DLC1: variants seen among roughly 807,000 people sequenced by gnomAD.
DLC1 encodes DLC1 Rho GTPase activating protein, also known as rho GTPase-activating protein 7.
Under a neutral mutation model 140.3 loss-of-function variants are expected in DLC1, and 54 were observed. The observed-to-expected ratio is 0.38, with a 90% CI of 0.31 to 0.48. The LOEUF (loss-of-function observed/expected upper bound fraction) is 0.48, where lower values mean the gene tolerates loss of function less well. DLC1 is among the 20% of genes least tolerant of loss of function. The pLI, the probability that DLC1 is intolerant of heterozygous loss-of-function variation, is 0.96. For synonymous variants in DLC1, 986 were observed against 728.1 expected, an observed-to-expected ratio of 1.35 and a Z score of -5.70; for missense variants, 2,536 against 1,907.0, an observed-to-expected ratio of 1.33 and a Z score of -6.14.
At chr8:13,422,211 C>T (rs1838347957) in intron 2 of DLC1, among the ~76,000 whole-genome samples, 1 of 152,010 alleles carries the variant, frequency 6.6e-6, no homozygotes, top group South Asian at 2.1e-4. Context: ...GAGGTTTAAA[C>T]TAATACCTCA....
chr8:13,468,170 A>G (rs544506281), intron 2 of DLC1, among the ~76,000 whole-genome samples: 2 of 152,320 alleles, frequency 1.3e-5, no homozygotes, highest in South Asian at 4.1e-4. Flanking sequence ...ATTTTCCTCA[A>G]TTCCATTTAG....
At chr8:13,458,828 T>C (rs1004634823) in intron 2 of DLC1, among the ~76,000 whole-genome samples, 15 of 135,622 alleles carry the variant, frequency 1.1e-4, no homozygotes, top group African/African-American at 3.8e-4. Context: ...TTTCTTCATT[T>C]GGAAAAAAAA....
intron 1 of DLC1, among the ~76,000 whole-genome samples, chr8:13,508,758 T>A (rs891023361): frequency 2.0e-5 from 3 of 152,152 alleles, no homozygotes; most frequent in Non-Finnish European, 4.4e-5. Flanking sequence ...TATTTGGATC[T>A]CCATGTTTTA....
intron 5 of DLC1, among the ~76,000 whole-genome samples, chr8:13,193,166 C>T (rs7013485): frequency 0.56 from 85,819 of 152,008 alleles, 24,715 homozygotes; most frequent in East Asian, 0.84. Flanking sequence ...TTGACTGTCA[C>T]TCATTTGGGA....
intron 1 of DLC1, among the ~76,000 whole-genome samples, 155 bp from the exon 2 acceptor site, chr8:13,500,351 C>G (rs1052020219): frequency 3.3e-5 from 5 of 151,974 alleles, no homozygotes; most frequent in Non-Finnish European, 7.4e-5. Flanking sequence ...CTTTAAGAAG[C>G]CTAATACTAG....
intron 5 of DLC1, among the ~76,000 whole-genome samples, chr8:13,231,240 G>A (rs1403639673): frequency 4.6e-5 from 7 of 151,798 alleles, no homozygotes; most frequent in South Asian, 4.2e-4. Context: ...AATCAAGTGC[G>A]GGATTTTCAT....
intron 1 of DLC1, among the ~76,000 whole-genome samples, chr8:13,570,981 A>T (rs1804634119): frequency 6.6e-6 from 1 of 152,098 alleles, no homozygotes; most frequent in African/African-American, 2.4e-5. Flanking sequence ...GGAGGAGAGA[A>T]CTCACGGAAT....
Position 13,086,416 on chromosome 8 carries a change from G to A in DLC1, c.4340C>T (p.Thr1447Ile). Residue 1447 changes from threonine (T) to isoleucine (I), a missense_variant, in exon 17 of 18, where the codon ACC becomes ATC. Coordinates refer to ENST00000276297, the MANE Select transcript of DLC1 (RefSeq NM_182643.3). ...AGGTGCGCGATCGTGATCCACAGAGGTTAGTAAAAGGGCACAGGCTCCTTT... is the reference window on the plus strand; with the variant it reads ...AGGTGCGCGATCGTGATCCACAGAGATTAGTAAAAGGGCACAGGCTCCTTT... The part of the protein sequence containing the change: ...LPKGACALLL[T>I]SVDHDRAPVV... 5 of 1,614,232 alleles carry A rather than the reference G, an allele frequency of 3.1e-6. No individual in the cohort carries two copies. Among genetic ancestry groups the A allele is most frequent in the South Asian group, 2.2e-5 (2 of 91,086 alleles).
chr8:13,399,855 TA>T (rs1026119013), intron 3 of DLC1, among the ~76,000 whole-genome samples: 10 of 151,910 alleles, frequency 6.6e-5, no homozygotes, highest in Non-Finnish European at 1.5e-4. Flanking sequence ...TGGGGTGGGG[TA>T]GGGGGGCGGT....
chr8:13,343,339 G>A (rs1005902296), intron 4 of DLC1, among the ~76,000 whole-genome samples: 20 of 152,170 alleles, frequency 1.3e-4, no homozygotes, highest in African/African-American at 4.6e-4. Context: ...AGCATGTACA[G>A]GGGCTGTCAT....
At chr8:13,530,843 T>A (rs1358538378) in intron 1 of DLC1, among the ~76,000 whole-genome samples, 1 of 152,094 alleles carries the variant, frequency 6.6e-6, no homozygotes, top group Non-Finnish European at 1.5e-5. Context: ...ACAGCTTACG[T>A]GGTTAAAAAC....
intron 4 of DLC1, among the ~76,000 whole-genome samples, chr8:13,392,594 T>C (rs1001582229): frequency 2.0e-5 from 3 of 152,180 alleles, no homozygotes; most frequent in Non-Finnish European, 4.4e-5. Context: ...TAAAAAATAA[T>C]ACAACACTAT....
chr8:13,192,981 A>G (rs1826849673), intron 5 of DLC1, among the ~76,000 whole-genome samples: 1 of 152,228 alleles, frequency 6.6e-6, no homozygotes, highest in African/African-American at 2.4e-5. Context: ...GCAAACTAAT[A>G]CAGTGACCCT....
chr8:13,577,418 A>T (rs1008248987), intron 1 of DLC1, among the ~76,000 whole-genome samples: 1 of 152,028 alleles, frequency 6.6e-6, no homozygotes, highest in Non-Finnish European at 1.5e-5. Context: ...TAGGTAATGT[A>T]TTTTTTGCAG....
At chr8:13,436,561 T>C (rs1172244895) in intron 2 of DLC1, among the ~76,000 whole-genome samples, 1 of 152,220 alleles carries the variant, frequency 6.6e-6, no homozygotes, top group Non-Finnish European at 1.5e-5. Flanking sequence ...GCTTTACCAA[T>C]TTAAAAGTTC....
intron 5 of DLC1, among the ~76,000 whole-genome samples, chr8:13,185,354 C>G (rs534452394): frequency 2.4e-4 from 36 of 151,206 alleles, no homozygotes; most frequent in African/African-American, 8.3e-4. Context: ...GTAGCCCAGG[C>G]TGGAGTGCAG....
At chr8:13,174,931 C>A (rs146745996) in intron 5 of DLC1, among the ~76,000 whole-genome samples, 10 of 151,962 alleles carry the variant, frequency 6.6e-5, no homozygotes, top group African/African-American at 1.9e-4. Context: ...AAATTCTTTG[C>A]CAAGGCAAAG....
chr8:13,399,499 C>T (rs964329555), intron 3 of DLC1, among the ~76,000 whole-genome samples: 16 of 152,186 alleles, frequency 1.1e-4, no homozygotes, highest in Non-Finnish European at 1.6e-4. Flanking sequence ...AAGTAACTTA[C>T]ATAAAGCTTA....
intron 2 of DLC1, among the ~76,000 whole-genome samples, chr8:13,481,200 G>A (rs1425570257): frequency 6.6e-6 from 1 of 152,138 alleles, no homozygotes; most frequent in African/African-American, 2.4e-5. Context: ...CAAGGCAGCT[G>A]GATCACTTGA....
Sources: gnomAD v4.1 joint callset for allele counts (sites outside exome capture counted in the v4.1 genomes callset) on GRCh38, gnomAD v4.1.1 for gene constraint, MANE v1.5 for transcripts, NCBI Gene and HGNC (gene_info 2026-07-23, HGNC 2026-07-21) for gene names.